The following DCDC1 variants were observed in gnomAD, a reference collection of about 807,000 sequenced individuals.
The protein encoded by DCDC1 is doublecortin domain-containing protein 1.
In DCDC1, 200 loss-of-function variants were observed where a neutral mutation model predicts 178.3. That is an observed-to-expected ratio of 1.12 (90% confidence interval 1.00 to 1.26). The LOEUF (loss-of-function observed/expected upper bound fraction) is 1.26. Among genes scored for constraint, DCDC1 ranks in the 50% most tolerant of loss-of-function variants. The pLI, the probability that DCDC1 is intolerant of heterozygous loss-of-function variation, is 0.00. For missense variants in DCDC1, 1,983 were observed against 1,749.2 expected, an observed-to-expected ratio of 1.13 and a Z score of -2.38; for synonymous variants, 690 against 604.8, an observed-to-expected ratio of 1.14 and a Z score of -2.07.
rs1474323300 is a variant in DCDC1, at chr11:31,131,026, C to CAA, written c.1315-3389_1315-3388dup. On this transcript the variant is annotated intron_variant, in intron 10 of 38. Transcript: ENST00000684477. ...TGAAACCCCGTCTCTACTAAAAATA[C>CAA]AAAAAATTAGCCGGGCGCGGTGGCG... 6.2e-5 allele frequency among the ~76,000 whole-genome samples: 5 copies of CAA among 80,072 alleles called. 2 individuals are homozygous for CAA. Among genetic ancestry groups the CAA allele is most frequent in the East Asian group, 3.5e-3 (2 of 578 alleles). The allele number at this position is 80,072 out of a possible 152,430, so 52.5% of individuals were successfully genotyped here. A position where few individuals can be genotyped will look rare whatever the true frequency, so the allele number is the denominator to read the frequency against.
rs149788043 is a variant in DCDC1, at chr11:31,350,712, A to G, written c.-124-15148T>C. Among the ~76,000 whole-genome samples, 582 of 152,284 alleles carry G rather than the reference A, an allele frequency of 3.8e-3. 3 individuals carry two copies. The highest frequency in any genetic ancestry group is 0.013 in the African/African-American group (559 of 41,584). ...AAATGCTGCATTGCAGCTTGTCTTA[A>G]CAGGTAATATGTGACATGAAACATG... On this transcript the variant is annotated intron_variant, in intron 1 of 38. Transcript: ENST00000684477.
intron 17 of DCDC1, among the ~76,000 whole-genome samples, chr11:31,083,045 T>A (rs1957282846): frequency 6.6e-6 from 1 of 152,206 alleles, no homozygotes; most frequent in African/African-American, 2.4e-5. Context: ...CTGCTGCTAT[T>A]CCTTAACATT....
rs1948549096 is a variant in DCDC1, at chr11:31,307,742, T to C, written c.331A>G (p.Ile111Val). 6.2e-7 allele frequency: 1 copy of C among 1,614,016 alleles called. No homozygotes were observed. The highest frequency in any genetic ancestry group is 1.3e-5 in the African/African-American group (1 of 74,938). ...GATTTGTAGCTATCTAGGTCTGATA[T>C]TTCATCATGGCTGTGATCTGATGCT... Reference protein sequence around the residue: ...QTASDHSHDEISDLDSYKSNS... With the variant: ...QTASDHSHDEVSDLDSYKSNS... The change falls in exon 4 of 39, where the codon ATA becomes GTA. Residue 111 changes from isoleucine (I) to valine (V), a missense_variant. Coordinates refer to ENST00000684477, the MANE Select transcript of DCDC1 (RefSeq NM_001387274.1).
At chr11:31,251,473 AG>A (rs1944027073) in intron 8 of DCDC1, among the ~76,000 whole-genome samples, 2 of 152,178 alleles carry the variant, frequency 1.3e-5, no homozygotes, top group Admixed American at 6.6e-5. Context: ...TAGAACAAAA[AG>A]GTTGAGTAAC....
At chr11:31,341,920 T>G (rs1367791555) in intron 1 of DCDC1, among the ~76,000 whole-genome samples, 1 of 151,888 alleles carries the variant, frequency 6.6e-6, no homozygotes, top group Non-Finnish European at 1.5e-5. Context: ...CTTGCAAGGC[T>G]GAGGTGGAAC....
At chr11:30,957,708 G>T (rs192306225) in intron 20 of DCDC1, among the ~76,000 whole-genome samples, 1 of 152,084 alleles carries the variant, frequency 6.6e-6, no homozygotes, top group Non-Finnish European at 1.5e-5. Context: ...CTAAGAACTG[G>T]GACATGCATG....
intron 1 of DCDC1, among the ~76,000 whole-genome samples, chr11:31,346,164 T>G (rs1185843215): frequency 1.3e-5 from 2 of 152,104 alleles, no homozygotes; most frequent in Non-Finnish European, 2.9e-5. Context: ...AGAAACATGT[T>G]AAAAGACATG....
chr11:31,200,922 A>G (rs975902297), intron 9 of DCDC1, among the ~76,000 whole-genome samples: 21 of 151,918 alleles, frequency 1.4e-4, no homozygotes, highest in African/African-American at 5.1e-4. Flanking sequence ...TCCCTAGCAC[A>G]TTGAGTATTA....
intron 20 of DCDC1, among the ~76,000 whole-genome samples, chr11:30,965,705 C>T (rs56091050): frequency 2.4e-4 from 35 of 143,370 alleles, no homozygotes; most frequent in South Asian, 1.6e-3. Flanking sequence ...CAGCCACTAA[C>T]GTGTCATCTA....
chr11:31,175,535 C>A (rs1416973264), intron 9 of DCDC1, among the ~76,000 whole-genome samples: 1 of 152,162 alleles, frequency 6.6e-6, no homozygotes, highest in Non-Finnish European at 1.5e-5. Flanking sequence ...AACAGTCAGT[C>A]CTTGAAGCAA....
intron 38 of DCDC1, among the ~76,000 whole-genome samples, chr11:30,875,433 G>T (rs969667464): frequency 5.9e-5 from 9 of 152,012 alleles, no homozygotes; most frequent in African/African-American, 2.2e-4. Context: ...CATAACTGGG[G>T]ACATTTGCAT....
At chr11:31,119,804 C>T (rs1178133868) in intron 11 of DCDC1, among the ~76,000 whole-genome samples, 1 of 151,932 alleles carries the variant, frequency 6.6e-6, no homozygotes, top group East Asian at 1.9e-4. Context: ...TGTTACCAAC[C>T]AAATTAGCCC....
At chr11:30,946,544 T>C (rs921309527) in intron 21 of DCDC1, among the ~76,000 whole-genome samples, 10 of 152,182 alleles carry the variant, frequency 6.6e-5, no homozygotes, top group Non-Finnish European at 1.3e-4. Flanking sequence ...AAGAACATCT[T>C]TAGGGGCCAA....
intron 1 of DCDC1, among the ~76,000 whole-genome samples, chr11:31,365,903 T>C (rs1951933329): frequency 6.6e-6 from 1 of 152,216 alleles, no homozygotes; most frequent in African/African-American, 2.4e-5. Context: ...TCCAATTCAA[T>C]TGTTTCTTGC....
intron 36 of DCDC1, among the ~76,000 whole-genome samples, chr11:30,889,944 A>C (rs1180348523): frequency 6.6e-6 from 1 of 152,210 alleles, no homozygotes; most frequent in African/African-American, 2.4e-5. Flanking sequence ...GGTTAAATAA[A>C]GCCATAAGGG....
At chr11:31,362,137 A>G (rs1440140801) in intron 1 of DCDC1, among the ~76,000 whole-genome samples, 1 of 152,178 alleles carries the variant, frequency 6.6e-6, no homozygotes, top group Non-Finnish European at 1.5e-5. Context: ...TATGTAATAT[A>G]TAAATCAACA....
intron 9 of DCDC1, among the ~76,000 whole-genome samples, chr11:31,197,148 G>A (rs759806814): frequency 6.6e-6 from 1 of 151,950 alleles, no homozygotes; most frequent in African/African-American, 2.4e-5. Flanking sequence ...TTAGTGATAT[G>A]CAATAAAGGA....
rs377450451 is a variant in DCDC1 at position 30,925,420 on chromosome 11, G to T, written c.2898-12C>A. The T allele has an allele frequency of 4.5e-5, 72 of 1,611,690 alleles. No individual in the cohort carries two copies. The Middle Eastern group carries it at 9.9e-4, about 22-fold the overall frequency. On this transcript the variant is annotated splice_polypyrimidine_tract_variant and intron_variant, in intron 22 of 38. Coordinates refer to ENST00000684477, the MANE Select transcript of DCDC1 (RefSeq NM_001387274.1). ...AAATCTCAGTGCACCTGTAATAAAA[G>T]ACACAAAAATTGACCTTGCATACAG...
At chr11:31,349,916 T>G (rs1034016068) in intron 1 of DCDC1, among the ~76,000 whole-genome samples, 1 of 152,190 alleles carries the variant, frequency 6.6e-6, no homozygotes, top group African/African-American at 2.4e-5. Flanking sequence ...TACTAAATAT[T>G]TGTTGAGAAC....
Sources: allele counts gnomAD v4.1 joint callset (sites outside exome capture counted in the v4.1 genomes callset), GRCh38; gene constraint gnomAD v4.1.1; transcripts MANE v1.5; gene names NCBI Gene and HGNC (gene_info 2026-07-23, HGNC 2026-07-21).